The following AFAP1L1 variants were observed in gnomAD, a reference collection of about 807,000 sequenced individuals.
The protein encoded by AFAP1L1 is actin filament-associated protein 1-like 1.
A neutral mutation model predicts 99.8 loss-of-function variants in AFAP1L1; 77 were observed. The ratio of observed to expected loss-of-function variants is 0.77; its 90% CI spans 0.64 to 0.93. The LOEUF (loss-of-function observed/expected upper bound fraction) is 0.93. Among genes scored for constraint, AFAP1L1 ranks in the 40% least tolerant of loss-of-function variants. AFAP1L1 has a pLI of 0.00. For missense variants in AFAP1L1, 893 were observed against 996.8 expected, an observed-to-expected ratio of 0.90 and a Z score of 1.40; for synonymous variants, 373 against 395.3, an observed-to-expected ratio of 0.94 and a Z score of 0.67.
chr5:149,307,818 T>TCTCTC (rs1756473058), intron 7 of AFAP1L1, among the ~76,000 whole-genome samples: 34 of 100,568 alleles, frequency 3.4e-4, no homozygotes, highest in Admixed American at 3.8e-4. Context: ...GTGCCTCTCT[T>TCTCTC]TCTCTCTCTC....
At chr5:149,289,775 G>A (rs1250278060) in intron 1 of AFAP1L1, among the ~76,000 whole-genome samples, 1 of 152,208 alleles carries the variant, frequency 6.6e-6, no homozygotes, top group Non-Finnish European at 1.5e-5. Flanking sequence ...CCTCACCTGA[G>A]GAGCTGGTGA....
chr5:149,316,048 G>A, intron 10 of AFAP1L1, 103 bp from the exon 11 acceptor site: 4 of 1,574,788 alleles, frequency 2.5e-6, no homozygotes, highest in Non-Finnish European at 3.5e-6. Flanking sequence ...CATCCCTGGA[G>A]CTGCAGGCCC....
intron 1 of AFAP1L1, among the ~76,000 whole-genome samples, chr5:149,286,818 G>A (rs2127590738): frequency 6.6e-6 from 1 of 152,298 alleles, no homozygotes; most frequent in South Asian, 2.1e-4. Context: ...TGAGGTCAGA[G>A]ACACACAGCG....
At chr5:149,294,266 TTCCAACAA>T (rs899824080) in intron 1 of AFAP1L1, among the ~76,000 whole-genome samples, 13 of 152,198 alleles carry the variant, frequency 8.5e-5, no homozygotes. Context: ...GAATGTGCAT[TTCCAACAA>T]TCCCGCTGGA....
At chr5:149,318,909 C>T (rs905443583) in intron 12 of AFAP1L1, among the ~76,000 whole-genome samples, 22 of 152,124 alleles carry the variant, frequency 1.4e-4, no homozygotes, top group African/African-American at 4.8e-4. Context: ...TGCCCAAGAC[C>T]CCCTGCCTCT....
rs1012771642 is a variant in AFAP1L1 at position 149,340,537 on chromosome 5, G to A, written c.*507G>A. ...AACAACCCCTGGTCAAGGTAAATAG[G>A]TTGAACAATCAATAACATTATCCCT... On this transcript the variant is annotated 3_prime_UTR_variant, in exon 19 of 19. Transcript: ENST00000296721. 1 of 155,138 alleles carries A rather than the reference G, an allele frequency of 6.4e-6. No individual in the cohort carries two copies. The highest frequency in any genetic ancestry group is 2.4e-5 in the African/African-American group (1 of 41,520). 9.6% of individuals were successfully genotyped at this position (155,138 alleles called of 1,614,324 possible). A position where few individuals can be genotyped will look rare whatever the true frequency, so the allele number is the denominator to read the frequency against.
At chr5:149,311,823 G>C (rs981585075) in intron 8 of AFAP1L1, among the ~76,000 whole-genome samples, 1 of 152,214 alleles carries the variant, frequency 6.6e-6, no homozygotes, top group Admixed American at 6.5e-5. Flanking sequence ...TGCAGATGTG[G>C]ACACTGAGGC....
At chr5:149,294,077 T>C (rs950671606) in intron 1 of AFAP1L1, among the ~76,000 whole-genome samples, 1 of 152,210 alleles carries the variant, frequency 6.6e-6, no homozygotes, top group African/African-American at 2.4e-5. Context: ...TTTTAAGGAA[T>C]AGGAGAGGTT....
chr5:149,272,748 G>A (rs1199803127), intron 1 of AFAP1L1, among the ~76,000 whole-genome samples: 1 of 152,126 alleles, frequency 6.6e-6, no homozygotes, highest in Non-Finnish European at 1.5e-5. Flanking sequence ...TGTTGCCCAG[G>A]CTGGAGTGAA....
At position 149,272,034 on chromosome 5, in the gene AFAP1L1, G is replaced by C. The variant is rs533817120; in HGVS notation, c.16+50G>C. 202 of 1,239,204 alleles carry C rather than the reference G, an allele frequency of 1.6e-4. 2 individuals carry two copies. In the African/African-American group the frequency reaches 2.9e-3, roughly 18 times the overall value. The allele number at this position is 1,239,204 out of a possible 1,614,324, so 76.8% of individuals were successfully genotyped here. A position where few individuals can be genotyped will look rare whatever the true frequency, so the allele number is the denominator to read the frequency against. On this transcript the variant is annotated intron_variant, in intron 1 of 18. Coordinates refer to ENST00000296721, the MANE Select transcript of AFAP1L1 (RefSeq NM_152406.4). ...CTTGTTGCGGCGCCGGGCGGGAAAG[G>C]GAGACTGGACGATCTGAAGCCGGAG...
intron 9 of AFAP1L1, among the ~76,000 whole-genome samples, chr5:149,313,364 G>A (rs1481536319): frequency 6.6e-6 from 1 of 152,224 alleles, no homozygotes; most frequent in Non-Finnish European, 1.5e-5. Context: ...TTTATAGACT[G>A]TGACTGCATG....
At position 149,320,263 on chromosome 5, in the gene AFAP1L1, G is replaced by C; in HGVS notation, c.1626-128G>C. On this transcript the variant is annotated intron_variant, in intron 13 of 18. Coordinates refer to ENST00000296721, the MANE Select transcript of AFAP1L1 (RefSeq NM_152406.4). The surrounding 1 kb of genome is among the most constrained non-coding windows in gnomAD (Gnocchi z 4.0). The stretch of plus-strand genomic sequence containing the variant: ...ATGACACAATGCTGCCTGCCATCTT[G>C]CTTTTACCAATCTTCTGATCTGCCT... 1.2e-6 allele frequency: 1 copy of C among 861,702 alleles called. No individual in the cohort carries two copies. The highest frequency in any genetic ancestry group is 1.9e-6 in the Non-Finnish European group (1 of 537,944). The allele number at this position is 861,702 out of a possible 1,614,324, so 53.4% of individuals were successfully genotyped here.
intron 17 of AFAP1L1, 69 bp downstream of exon 17, chr5:149,332,942 T>C (rs986384130): frequency 1.4e-4 from 195 of 1,439,538 alleles, no homozygotes; most frequent in Middle Eastern, 1.0e-3. Flanking sequence ...AGATCTCTTC[T>C]TCATGATCAT....
At chr5:149,276,248 A>G (rs979132473) in intron 1 of AFAP1L1, among the ~76,000 whole-genome samples, 7 of 152,240 alleles carry the variant, frequency 4.6e-5, no homozygotes, top group African/African-American at 1.7e-4. Flanking sequence ...AAAGCTCAGC[A>G]TCAAAGTCAA....
intron 9 of AFAP1L1, among the ~76,000 whole-genome samples, chr5:149,315,024 GAGACA>G (rs1756754271): frequency 6.6e-6 from 1 of 152,204 alleles, no homozygotes; most frequent in Non-Finnish European, 1.5e-5. Flanking sequence ...CAGCCTTGGG[GAGACA>G]GAAGGACTTT....
At chr5:149,325,254 C>T (rs1381875739) in intron 15 of AFAP1L1, among the ~76,000 whole-genome samples, 3 of 152,210 alleles carry the variant, frequency 2.0e-5, no homozygotes, top group Admixed American at 6.5e-5. Context: ...CAACCTACCC[C>T]TTTATTCCCC....
Position 149,302,519 on chromosome 5 carries a change from C to T in AFAP1L1, c.429C>T (p.Ser143=), listed in dbSNP as rs1460544663. 3 of 1,579,664 alleles carry T rather than the reference C, an allele frequency of 1.9e-6. No individual in the cohort carries two copies. The highest frequency in any genetic ancestry group is 1.3e-5 in the African/African-American group (1 of 74,488). Residue 143 remains serine, a synonymous_variant, in exon 5 of 19, where the codon AGC becomes AGT. Transcript: ENST00000296721. ...LGPGKSPEYI[S]SHNGCSPSHS... is the part of the protein sequence containing the mutation. The stretch of plus-strand genomic sequence containing the variant: ...CCGGCAAGTCGCCTGAGTACATCAG[C>T]TCCCACAGTAAGTTCTGGTCCTCTT...
intron 8 of AFAP1L1, among the ~76,000 whole-genome samples, chr5:149,311,323 C>G (rs975898799): frequency 1.3e-5 from 2 of 152,166 alleles, no homozygotes; most frequent in Non-Finnish European, 2.9e-5. Flanking sequence ...GGTCGGCAGA[C>G]GAATCCCTAG....
At chr5:149,291,547 A>G (rs1391981685) in intron 1 of AFAP1L1, among the ~76,000 whole-genome samples, 53 of 131,444 alleles carry the variant, frequency 4.0e-4, no homozygotes, top group African/African-American at 1.4e-3. Flanking sequence ...AAAAAAAAAA[A>G]AAAGAAAGAA....
Sources: gnomAD v4.1 joint callset for allele counts (sites outside exome capture counted in the v4.1 genomes callset) on GRCh38, gnomAD v4.1.1 for gene constraint, Gnocchi (gnomAD v3.1) non-coding constraint, MANE v1.5 for transcripts, NCBI Gene and HGNC (gene_info 2026-07-23, HGNC 2026-07-21) for gene names.